The following MYBPC1 variants were observed in gnomAD, a reference collection of about 807,000 sequenced individuals.
MYBPC1 encodes myosin binding protein C1.
In MYBPC1, 52 loss-of-function variants were observed where a neutral mutation model predicts 147.1. The ratio of observed to expected loss-of-function variants is 0.35; its 90% CI spans 0.28 to 0.45. The LOEUF (loss-of-function observed/expected upper bound fraction) is 0.45. Among genes scored for constraint, MYBPC1 ranks in the 20% least tolerant of loss-of-function variants. The probability of loss-of-function intolerance (pLI) is 1.00; values close to 1 mark genes in which losing one functional copy is unlikely to be tolerated. For missense variants in MYBPC1, 1,228 were observed against 1,440.3 expected, an observed-to-expected ratio of 0.85 and a Z score of 2.39; for synonymous variants, 477 against 475.9, an observed-to-expected ratio of 1.00 and a Z score of -0.03.
chr12:101,624,937 A>G (rs1386241534), intron 3 of MYBPC1, among the ~76,000 whole-genome samples: 1 of 152,086 alleles, frequency 6.6e-6, no homozygotes, highest in Non-Finnish European at 1.5e-5. Flanking sequence ...AAAATGCAGA[A>G]GGGATGGGTA....
Position 101,651,480 on chromosome 12 carries a change from T to C in MYBPC1, c.1526+87T>C, listed in dbSNP as rs1470390363. ...AAATTACATATTTGGTGAGGATATT[T>C]GAAGGGTAGCCATAGGGAGATCATC... On this transcript the variant is annotated intron_variant, in intron 16 of 31. Transcript: ENST00000361466. 3.2e-6 allele frequency: 5 copies of C among 1,545,612 alleles called. No individual in the cohort carries two copies. The African/African-American group carries it at 5.4e-5, about 17-fold the overall frequency.
chr12:101,622,930 C>T (rs1212526891), intron 3 of MYBPC1, among the ~76,000 whole-genome samples: 1 of 152,136 alleles, frequency 6.6e-6, no homozygotes, highest in Non-Finnish European at 1.5e-5. Context: ...TACTCTGAAG[C>T]GCTGCATTCA....
chr12:101,647,492 A>G (rs912800637), intron 13 of MYBPC1, among the ~76,000 whole-genome samples: 8 of 152,250 alleles, frequency 5.3e-5, no homozygotes, highest in Admixed American at 5.2e-4. Context: ...GAGAACAATA[A>G]TTGATTTGAC....
At chr12:101,646,445 A>G in intron 12 of MYBPC1, among the ~76,000 whole-genome samples, 1 of 152,138 alleles carries the variant, frequency 6.6e-6, no homozygotes, top group Non-Finnish European at 1.5e-5. Context: ...GGAGTCTGAG[A>G]CAAACCTGGG....
intron 23 of MYBPC1, 114 bp from the exon 24 acceptor site, chr12:101,670,207 T>C: frequency 2.4e-6 from 2 of 840,810 alleles, no homozygotes; most frequent in Non-Finnish European, 4.2e-6. Context: ...TCAGAGTTTA[T>C]TGCAGAGATA....
At chr12:101,666,871 A>G (rs371565979) in intron 22 of MYBPC1, 26 of 1,182,862 alleles carry the variant, frequency 2.2e-5, no homozygotes, top group Non-Finnish European at 3.1e-5. Context: ...ATGACCAAGC[A>G]TGAAGAATAC....
intron 28 of MYBPC1, among the ~76,000 whole-genome samples, chr12:101,678,635 A>C (rs1395987396): frequency 6.6e-6 from 1 of 152,246 alleles, no homozygotes; most frequent in African/African-American, 2.4e-5. Flanking sequence ...CTACACTGTA[A>C]GACAGAATAT....
At chr12:101,601,260 C>T (rs150674560) in intron 1 of MYBPC1, among the ~76,000 whole-genome samples, 13 of 152,268 alleles carry the variant, frequency 8.5e-5, no homozygotes, top group African/African-American at 2.9e-4. Context: ...AAAGACAGCC[C>T]CCCCAAAGTC....
chr12:101,678,336 G>A, intron 28 of MYBPC1, 98 bp downstream of exon 28: 3 of 1,521,452 alleles, frequency 2.0e-6, no homozygotes, highest in Non-Finnish European at 2.7e-6. Flanking sequence ...TGCTACTTGT[G>A]TCTTCCCAGG....
intron 1 of MYBPC1, among the ~76,000 whole-genome samples, chr12:101,596,616 C>G (rs7958578): frequency 0.14 from 21,215 of 152,144 alleles, 3,346 homozygotes; most frequent in African/African-American, 0.38. Flanking sequence ...AAGGTGACAG[C>G]CTGTAAGAGC....
intron 3 of MYBPC1, among the ~76,000 whole-genome samples, chr12:101,621,676 T>C (rs825096): frequency 0.15 from 23,002 of 152,180 alleles, 1,986 homozygotes; most frequent in East Asian, 0.31. Context: ...ATCTCAACAA[T>C]TGTCTCAAGT....
chr12:101,671,398 C>G (rs1898694641), intron 24 of MYBPC1, among the ~76,000 whole-genome samples: 2 of 151,998 alleles, frequency 1.3e-5, no homozygotes, highest in South Asian at 4.2e-4. Flanking sequence ...TGTTCAAACC[C>G]AGGCTCCCAT....
In MYBPC1 at chr12:101,678,378, A is replaced by G. The variant is rs1900522734; in HGVS notation, c.3246+140A>G. 7.5e-6 allele frequency: 9 copies of G among 1,205,714 alleles called. No individual in the cohort carries two copies. In the Admixed American group the frequency reaches 1.1e-4, roughly 14 times the overall value. The allele number at this position is 1,205,714 out of a possible 1,614,324, so 74.7% of individuals were successfully genotyped here. A position where few individuals can be genotyped will look rare whatever the true frequency, so the allele number is the denominator to read the frequency against. ...GATTAGAAGGTGGTAGTGGTGGTAG[A>G]TTATTAGGCACACTATTCAGATGTA... On this transcript the variant is annotated intron_variant, in intron 28 of 31. Coordinates refer to ENST00000361466, the MANE Select transcript of MYBPC1 (RefSeq NM_002465.4).
intron 1 of MYBPC1, among the ~76,000 whole-genome samples, chr12:101,600,101 T>A (rs1401146506): frequency 6.6e-6 from 1 of 152,164 alleles, no homozygotes; most frequent in Non-Finnish European, 1.5e-5. Flanking sequence ...ACCCAGTAAA[T>A]CTAAAGAAAT....
chr12:101,688,908 G>A (rs1041691930), downstream of MYBPC1, among the ~76,000 whole-genome samples: 2 of 140,302 alleles, frequency 1.4e-5, no homozygotes, highest in East Asian at 2.1e-4. Context: ...AGCTGAGATC[G>A]CACCACTGCA....
chr12:101,638,000 A>G (rs781115638), intron 10 of MYBPC1, among the ~76,000 whole-genome samples: 17 of 152,204 alleles, frequency 1.1e-4, no homozygotes, highest in Non-Finnish European at 2.1e-4. Flanking sequence ...TACAGATAAG[A>G]AACCAAGGTA....
intron 2 of MYBPC1, chr12:101,614,832 C>T: frequency 2.2e-6 from 1 of 449,920 alleles, no homozygotes; most frequent in South Asian, 2.2e-5. Context: ...GGAGGCTGAG[C>T]CTCCATCCAA....
At position 101,604,533 on chromosome 12, in the gene MYBPC1, G is replaced by A. The variant is rs115699233; in HGVS notation, c.25+9438G>A. On this transcript the variant is annotated intron_variant, in intron 1 of 31. Coordinates refer to ENST00000361466, the MANE Select transcript of MYBPC1 (RefSeq NM_002465.4). The stretch of plus-strand genomic sequence containing the variant: ...GTTAATTTTGTTATATAACCTCAGA[G>A]CCTTATTTTTTCCACCAGTTTGAAT... Among the ~76,000 whole-genome samples, 613 of 152,234 alleles carry A rather than the reference G, an allele frequency of 4.0e-3. 3 individuals carry two copies. Among genetic ancestry groups the A allele is most frequent in the African/African-American group, 0.014 (580 of 41,554 alleles).
intron 1 of MYBPC1, among the ~76,000 whole-genome samples, chr12:101,610,798 C>T (rs1312342992): frequency 6.6e-6 from 1 of 152,152 alleles, no homozygotes; most frequent in Admixed American, 6.5e-5. Flanking sequence ...GAGAAGTCCA[C>T]CAGTCCTCCT....
Sources: gnomAD v4.1 joint callset for allele counts (sites outside exome capture counted in the v4.1 genomes callset) on GRCh38, gnomAD v4.1.1 for gene constraint, MANE v1.5 for transcripts, NCBI Gene and HGNC (gene_info 2026-07-23, HGNC 2026-07-21) for gene names.